Variants in ZNF737 observed in about 807,000 individuals in gnomAD.
ZNF737 encodes the protein zinc finger protein 102 (Y3).
In ZNF737, 13 loss-of-function variants were observed where a neutral mutation model predicts 11.7. That is an observed-to-expected ratio of 1.11 (90% confidence interval 0.73 to 1.77). ZNF737 has a LOEUF of 1.77. ZNF737 is among the 40% of genes most tolerant of loss of function. The pLI is 0.00. For synonymous variants in ZNF737, 217 were observed against 216.2 expected (o/e 1.00, Z -0.03); for missense variants, 636 against 638.0 (o/e 1.00, Z 0.03).
At chr19:20,562,087 G>T (rs555063520) in intron 1 of ZNF737, among the ~76,000 whole-genome samples, 14 of 152,070 alleles carry the variant, frequency 9.2e-5, no homozygotes, top group Non-Finnish European at 1.3e-4. Flanking sequence ...TTCCCATTAT[G>T]ACTTAGTGCT....
In ZNF737 at chr19:20,544,467, G is replaced by C; in HGVS notation, c.*125C>G. The C allele has an allele frequency of 1.3e-6, 2 of 1,510,182 alleles. No homozygotes were observed. The highest frequency in any genetic ancestry group is 1.8e-6 in the Non-Finnish European group (2 of 1,138,212). 93.5% of individuals were successfully genotyped at this position (1,510,182 alleles called of 1,614,324 possible). ...GCATGAATTATCTAATGTCTACTAA[G>C]GTTTGAGGATGAAATAAAGGCTTTG... On this transcript the variant is annotated 3_prime_UTR_variant, in exon 4 of 4. Coordinates refer to ENST00000427401, the MANE Select transcript of ZNF737 (RefSeq NM_001159293.2).
intron 3 of ZNF737, among the ~76,000 whole-genome samples, chr19:20,550,926 C>T (rs148160517): frequency 9.3e-4 from 142 of 152,338 alleles, no homozygotes; most frequent in Non-Finnish European, 1.5e-3. Context: ...ACAGAGAATT[C>T]TGAACTTACT....
In ZNF737 at chr19:20,540,075, A is replaced by G. The variant is rs1427799352; in HGVS notation, c.*4517T>C. 2.0e-6 allele frequency: 2 copies of G among 985,294 alleles called. No homozygotes were observed. Among genetic ancestry groups the G allele is most frequent in the Non-Finnish European group, 2.4e-6 (2 of 829,932 alleles). 61.0% of individuals were successfully genotyped at this position (985,294 alleles called of 1,614,324 possible). A position where few individuals can be genotyped will look rare whatever the true frequency, so the allele number is the denominator to read the frequency against. On this transcript the variant is annotated 3_prime_UTR_variant, in exon 4 of 4. Transcript: ENST00000427401. ...ATTCCCTTTTTTTTCCCTCTGCCAT[A>G]GAATCCTCTTATGTTCCTTACTGGA...
chr19:20,542,758 GA>G lies in ZNF737; in HGVS notation c.*1833del, dbSNP rs1350503062. 1.0e-6 allele frequency: 1 copy of G among 984,710 alleles called. No individual in the cohort carries two copies. The highest frequency in any genetic ancestry group is 1.2e-6 in the Non-Finnish European group (1 of 829,504). 61.0% of individuals were successfully genotyped at this position (984,710 alleles called of 1,614,324 possible). On this transcript the variant is annotated 3_prime_UTR_variant, in exon 4 of 4. Transcript: ENST00000427401. ...ATTTTAATGTTCTTACTATTTTATA[GA>G]AAAAGTCATAATGTCCAAATAATGT...
downstream of ZNF737, among the ~76,000 whole-genome samples, chr19:20,533,859 T>A (rs1967888191): frequency 6.7e-6 from 1 of 150,210 alleles, no homozygotes; most frequent in African/African-American, 2.5e-5. Flanking sequence ...ACTGATCAGT[T>A]GGTTGATTGG....
downstream of ZNF737, among the ~76,000 whole-genome samples, chr19:20,534,453 A>ATATC (rs59237794): frequency 0.42 from 60,176 of 144,566 alleles, 14,115 homozygotes; most frequent in Non-Finnish European, 0.44. Context: ...AAAAGAAAAA[A>ATATC]TATCTATCTA....
chr19:20,561,507 G>T (rs12984601), intron 1 of ZNF737, among the ~76,000 whole-genome samples: 115,374 of 151,662 alleles, frequency 0.76, 43,951 homozygotes, highest in East Asian at 0.82. Flanking sequence ...CCTGGGAGAA[G>T]ACCTGGAATC....
rs1401702243 is a variant in ZNF737 at position 20,542,549 on chromosome 19, C to A, written c.*2043G>T. On this transcript the variant is annotated 3_prime_UTR_variant, in exon 4 of 4. Transcript: ENST00000427401. ...GCCCGGCCCTAACAGTTTTAAAATG[C>A]ACTGCATTTTATTACATAAAAGTAC... The A allele has an allele frequency of 1.0e-6, 1 of 982,240 alleles. No individual in the cohort carries two copies. Among genetic ancestry groups the A allele is most frequent in the Non-Finnish European group, 1.2e-6 (1 of 827,384 alleles). The allele number at this position is 982,240 out of a possible 1,614,324, so 60.8% of individuals were successfully genotyped here. A position where few individuals can be genotyped will look rare whatever the true frequency, so the allele number is the denominator to read the frequency against.
rs73924694 is a variant in ZNF737, at chr19:20,550,186, G to A, written c.226+2289C>T. 9.8e-3 allele frequency among the ~76,000 whole-genome samples: 1,485 copies of A among 152,226 alleles called. 25 individuals carry two copies. Among genetic ancestry groups the A allele is most frequent in the African/African-American group, 0.034 (1,417 of 41,534 alleles). On this transcript the variant is annotated intron_variant, in intron 3 of 3. Transcript: ENST00000427401. ...GCTGTAATCAAACATTGGAAGCAAA[G>A]AGTACCCTTACATTGTTAAATAAGA... is the stretch of plus-strand genomic sequence containing the variant.
At chr19:20,547,375 C>T (rs112945459) in intron 3 of ZNF737, among the ~76,000 whole-genome samples, 11,247 of 127,522 alleles carry the variant, frequency 0.088, 470 homozygotes, top group South Asian at 0.09. Context: ...AGCGAGACTC[C>T]GTCTCAAAAA....
chr19:20,543,635 C>T lies in ZNF737; in HGVS notation c.*957G>A. ...TTCTTCACACTTGTAGGAGTTTTGC[C>T]AGTATGAATTATCCAACCTACAATC... is the stretch of plus-strand genomic sequence containing the variant. On this transcript the variant is annotated 3_prime_UTR_variant, in exon 4 of 4. Transcript: ENST00000427401. 2.0e-6 allele frequency: 2 copies of T among 985,420 alleles called. No homozygotes were observed. Among genetic ancestry groups the T allele is most frequent in the Non-Finnish European group, 2.4e-6 (2 of 829,920 alleles). The allele number at this position is 985,420 out of a possible 1,614,324, so 61.0% of individuals were successfully genotyped here. A position where few individuals can be genotyped will look rare whatever the true frequency, so the allele number is the denominator to read the frequency against.
At position 20,544,473 on chromosome 19, in the gene ZNF737, A is replaced by G; in HGVS notation, c.*119T>C. The G allele has an allele frequency of 6.6e-7, 1 of 1,514,274 alleles. No individual in the cohort carries two copies. The highest frequency in any genetic ancestry group is 2.3e-5 in the East Asian group (1 of 43,536). 93.8% of individuals were successfully genotyped at this position (1,514,274 alleles called of 1,614,324 possible). A position where few individuals can be genotyped will look rare whatever the true frequency, so the allele number is the denominator to read the frequency against. ...ATTATCTAATGTCTACTAAGGTTTG[A>G]GGATGAAATAAAGGCTTTGCCACAT... On this transcript the variant is annotated 3_prime_UTR_variant, in exon 4 of 4. Transcript: ENST00000427401.
intron 3 of ZNF737, among the ~76,000 whole-genome samples, chr19:20,547,915 C>CTGAGG (rs1414620487): frequency 6.6e-6 from 1 of 152,218 alleles, no homozygotes; most frequent in Non-Finnish European, 1.5e-5. Flanking sequence ...GTTTGGGAGG[C>CTGAGG]TGAGGTGGGC....
Position 20,544,894 on chromosome 19 carries a change from A to G in ZNF737, c.1309T>C (p.Phe437Leu). 1 of 1,612,644 alleles carries G rather than the reference A, an allele frequency of 6.2e-7. No individual in the cohort carries two copies. Among genetic ancestry groups the G allele is most frequent in the South Asian group, 1.1e-5 (1 of 90,924 alleles). The part of the protein sequence containing the change: ...CEECGKAFKC[F>L]SILTTHKRIH... ...CTCTTATGTGTAGTAAGGATAGAGA[A>G]GCACTTAAAGGCCTTGCCACATTCT... Residue 437 changes from phenylalanine (F) to leucine (L), a missense_variant, in exon 4 of 4, where the codon TTC becomes CTC. Physicochemically the swap from Phe to Leu is conservative, Grantham distance 22 (BLOSUM62 0). Transcript: ENST00000427401.
At position 20,543,018 on chromosome 19, in the gene ZNF737, T is replaced by C. The variant is rs1968281434; in HGVS notation, c.*1574A>G. 1 of 985,158 alleles carries C rather than the reference T, an allele frequency of 1.0e-6. No homozygotes were observed. The highest frequency in any genetic ancestry group is 6.1e-5 in the Admixed American group (1 of 16,264). 61.0% of individuals were successfully genotyped at this position (985,158 alleles called of 1,614,324 possible). ...CCTAAAAACTGCAGTTGTGGATTAG[T>C]TTTTATATTCAATGCTCTGATTTAG... On this transcript the variant is annotated 3_prime_UTR_variant, in exon 4 of 4. Transcript: ENST00000427401.
At chr19:20,546,353 G>A (rs1968456239) in intron 3 of ZNF737, among the ~76,000 whole-genome samples, 1 of 152,104 alleles carries the variant, frequency 6.6e-6, no homozygotes, top group East Asian at 1.9e-4. Context: ...AGAACTCTGG[G>A]AAGGTGACAC....
At position 20,543,364 on chromosome 19, in the gene ZNF737, C is replaced by G; in HGVS notation, c.*1228G>C. The G allele has an allele frequency of 1.0e-6, 1 of 986,490 alleles. No individual in the cohort carries two copies. Among genetic ancestry groups the G allele is most frequent in the Middle Eastern group, 3.3e-4 (1 of 3,022 alleles). 61.1% of individuals were successfully genotyped at this position (986,490 alleles called of 1,614,324 possible). ...ACTAGTAAATGTACTATGTAACTCC[C>G]TTTATATTTGTAATGCTTGTCTTCA... is the stretch of plus-strand genomic sequence containing the variant. On this transcript the variant is annotated 3_prime_UTR_variant, in exon 4 of 4. Coordinates refer to ENST00000427401, the MANE Select transcript of ZNF737 (RefSeq NM_001159293.2).
At chr19:20,549,230 C>A (rs1194283408) in intron 3 of ZNF737, among the ~76,000 whole-genome samples, 1 of 152,052 alleles carries the variant, frequency 6.6e-6, no homozygotes, top group Non-Finnish European at 1.5e-5. Context: ...TAATTTATCT[C>A]TTAATTAAAC....
At position 20,542,169 on chromosome 19, in the gene ZNF737, A is replaced by T. The variant is rs1968232116; in HGVS notation, c.*2423T>A. 2 of 984,892 alleles carry T rather than the reference A, an allele frequency of 2.0e-6. No homozygotes were observed. The highest frequency in any genetic ancestry group is 3.5e-5 in the African/African-American group (2 of 57,230). The allele number at this position is 984,892 out of a possible 1,614,324, so 61.0% of individuals were successfully genotyped here. On this transcript the variant is annotated 3_prime_UTR_variant, in exon 4 of 4. Transcript: ENST00000427401. ...TTAGTGGCACAATAATGGTTCATTA[A>T]ACGCACGGTAGTCTTACCATGGTAA...
Sources: allele counts gnomAD v4.1 joint callset (sites outside exome capture counted in the v4.1 genomes callset), GRCh38; gene constraint gnomAD v4.1.1; transcripts MANE v1.5; gene names NCBI Gene and HGNC (gene_info 2026-07-23, HGNC 2026-07-21).